PDE4B: variants seen among roughly 807,000 people sequenced by gnomAD.
PDE4B encodes the protein 3',5'-cyclic-AMP phosphodiesterase 4B.
Under a neutral mutation model 82.2 loss-of-function variants are expected in PDE4B, and 20 were observed. That is an observed-to-expected ratio of 0.24 (90% confidence interval 0.17 to 0.35). PDE4B has a LOEUF of 0.35. Ranked by LOEUF, PDE4B falls within the 10% of genes least tolerant of loss-of-function variation. The pLI is 1.00. For synonymous variants in PDE4B, 320 were observed against 318.9 expected, an observed-to-expected ratio of 1.00 and a Z score of -0.04; for missense variants, 655 against 907.2, an observed-to-expected ratio of 0.72 and a Z score of 3.57.
intron 1 of PDE4B, among the ~76,000 whole-genome samples, chr1:65,874,529 T>C (rs1646615302): frequency 6.6e-6 from 1 of 152,164 alleles, no homozygotes; most frequent in Non-Finnish European, 1.5e-5. Flanking sequence ...GGCATCACAC[T>C]ACCTGACTTC....
chr1:65,879,359 C>A (rs1646685082), intron 1 of PDE4B, among the ~76,000 whole-genome samples: 1 of 151,936 alleles, frequency 6.6e-6, no homozygotes, highest in Non-Finnish European at 1.5e-5. Flanking sequence ...TTGGTCATTT[C>A]TTTGTTTTAA....
At chr1:66,070,597 A>G (rs1029441492) in intron 3 of PDE4B, among the ~76,000 whole-genome samples, 1 of 152,020 alleles carries the variant, frequency 6.6e-6, no homozygotes, top group Non-Finnish European at 1.5e-5. Context: ...GGCTAGGGAA[A>G]AAGTAGACAA....
At chr1:65,823,512 C>T (rs1385575522) in intron 1 of PDE4B, among the ~76,000 whole-genome samples, 3 of 151,888 alleles carry the variant, frequency 2.0e-5, no homozygotes, top group South Asian at 2.1e-4. Flanking sequence ...GTTTCCACTG[C>T]GCCTGCACTG....
At chr1:66,246,973 G>A (rs1003194015) in intron 3 of PDE4B, among the ~76,000 whole-genome samples, 1 of 152,220 alleles carries the variant, frequency 6.6e-6, no homozygotes, top group Non-Finnish European at 1.5e-5. Context: ...AGAAATACGT[G>A]TATTGTATAT....
chr1:66,082,555 G>A (rs1656794693), intron 3 of PDE4B, among the ~76,000 whole-genome samples: 1 of 151,474 alleles, frequency 6.6e-6, no homozygotes, highest in Non-Finnish European at 1.5e-5. Flanking sequence ...GGGTAAATTG[G>A]CTCAATGTGT....
intron 1 of PDE4B, among the ~76,000 whole-genome samples, chr1:65,853,963 A>T (rs947516293): frequency 2.6e-5 from 4 of 152,160 alleles, no homozygotes; most frequent in African/African-American, 9.6e-5. Flanking sequence ...GGAGTTATTT[A>T]TTGACCATCC....
chr1:66,096,508 T>TCACA (rs59931848), intron 3 of PDE4B, among the ~76,000 whole-genome samples: 1 of 107,328 alleles, frequency 9.3e-6, no homozygotes, highest in Non-Finnish European at 1.8e-5. Flanking sequence ...GTAAAAAAAA[T>TCACA]TATATATATA....
intron 1 of PDE4B, among the ~76,000 whole-genome samples, chr1:65,795,966 T>C (rs1471533866): frequency 6.6e-6 from 1 of 152,246 alleles, no homozygotes; most frequent in African/African-American, 2.4e-5. Context: ...TCAAATATGA[T>C]ATAGAAGATG....
chr1:66,012,941 C>T (rs1268519771), intron 3 of PDE4B, among the ~76,000 whole-genome samples: 12 of 152,116 alleles, frequency 7.9e-5, no homozygotes, highest in East Asian at 5.8e-4. Context: ...TTTATGAATA[C>T]GGTACTATTA....
At chr1:65,878,983 T>C (rs534833774) in intron 1 of PDE4B, among the ~76,000 whole-genome samples, 116 of 152,300 alleles carry the variant, frequency 7.6e-4, no homozygotes, top group African/African-American at 2.6e-3. Flanking sequence ...ATGTGCCAGG[T>C]ATTATCTAAA....
At chr1:66,151,792 A>G (rs1243347213) in intron 3 of PDE4B, among the ~76,000 whole-genome samples, 2 of 152,214 alleles carry the variant, frequency 1.3e-5, no homozygotes, top group Non-Finnish European at 2.9e-5. Flanking sequence ...CCGATCTTCC[A>G]GAGTGCCTGT....
intron 7 of PDE4B, among the ~76,000 whole-genome samples, chr1:66,295,791 A>G (rs1396911146): frequency 6.6e-6 from 1 of 152,174 alleles, no homozygotes; most frequent in East Asian, 1.9e-4. Flanking sequence ...ACAGCTCAGT[A>G]GTAGATTTCT....
At chr1:66,337,820 CA>C (rs1437971034) in intron 8 of PDE4B, among the ~76,000 whole-genome samples, 1 of 152,104 alleles carries the variant, frequency 6.6e-6, no homozygotes, top group Non-Finnish European at 1.5e-5. Flanking sequence ...TTTTTTGGTT[CA>C]ACTTTTCTCT....
chr1:66,324,780 C>T (rs1348199338), intron 7 of PDE4B, among the ~76,000 whole-genome samples: 2 of 152,136 alleles, frequency 1.3e-5, no homozygotes, highest in Non-Finnish European at 2.9e-5. Context: ...GGCTTGCAAA[C>T]TTTGGTCTTG....
At chr1:66,053,159 G>A (rs1655128568) in intron 3 of PDE4B, among the ~76,000 whole-genome samples, 1 of 152,082 alleles carries the variant, frequency 6.6e-6, no homozygotes, top group African/African-American at 2.4e-5. Context: ...TTCCTGAAAT[G>A]CCTTAATAAT....
At chr1:66,247,897 C>T (rs942627609) in intron 4 of PDE4B, among the ~76,000 whole-genome samples, 1 of 152,184 alleles carries the variant, frequency 6.6e-6, no homozygotes, top group Admixed American at 6.5e-5. Context: ...ACATCTTTTA[C>T]TGATACCTTA....
At chr1:66,355,338 A>C in intron 8 of PDE4B, 189 bp from the exon 9 acceptor site, 2 of 430,640 alleles carry the variant, frequency 4.6e-6, no homozygotes, top group South Asian at 1.5e-4. Context: ...TCTTAAGAAA[A>C]CCTCTTTTCC....
chr1:65,843,848 C>T (rs1339540268), intron 1 of PDE4B, among the ~76,000 whole-genome samples: 1 of 152,144 alleles, frequency 6.6e-6, no homozygotes, highest in Admixed American at 6.6e-5. Context: ...CATATCTCTA[C>T]ATTATGTTTG....
rs564851099 is a variant in PDE4B, at chr1:66,342,696, C to A, written c.747+10076C>A. The stretch of plus-strand genomic sequence containing the variant: ...GTGAGCTAAGATCACATCCACTGAA[C>A]TCCAGCCTGGGCAACAAGAGTGAAA... On this transcript the variant is annotated intron_variant, in intron 8 of 16. Coordinates refer to ENST00000341517, the MANE Select transcript of PDE4B (RefSeq NM_002600.4). Among the ~76,000 whole-genome samples the A allele has an allele frequency of 4.8e-4, 72 of 149,890 alleles. No homozygotes were observed. The East Asian group carries it at 0.013, about 28-fold the overall frequency.
Sources: gnomAD v4.1 joint callset for allele counts (sites outside exome capture counted in the v4.1 genomes callset) on GRCh38, gnomAD v4.1.1 for gene constraint, MANE v1.5 for transcripts, NCBI Gene and HGNC (gene_info 2026-07-23, HGNC 2026-07-21) for gene names.